MED13L: variants seen among roughly 807,000 people sequenced by gnomAD.
MED13L encodes mediator complex subunit 13L, also known as mediator of RNA polymerase II transcription subunit 13-like.
Under a neutral mutation model 220.9 loss-of-function variants are expected in MED13L, and 7 were observed. The ratio of observed to expected loss-of-function variants is 0.03; its 90% CI spans 0.02 to 0.06. The LOEUF is 0.06. MED13L is among the 10% of genes least tolerant of loss of function. The pLI is 1.00. For synonymous variants in MED13L, 1,011 were observed against 1,015.2 expected (o/e 1.00, Z 0.08); for missense variants, 1,965 against 2,760.5 (o/e 0.71, Z 6.46).
At chr12:116,149,297 C>T (rs1372145009) in intron 2 of MED13L, among the ~76,000 whole-genome samples, 1 of 152,094 alleles carries the variant, frequency 6.6e-6, no homozygotes, top group Non-Finnish European at 1.5e-5. Flanking sequence ...AAGTCTTAGA[C>T]CCCACTAGAT....
chr12:116,176,471 G>A (rs926005943), intron 2 of MED13L, among the ~76,000 whole-genome samples: 2 of 151,980 alleles, frequency 1.3e-5, no homozygotes, highest in Non-Finnish European at 2.9e-5. Context: ...AAGAAAAAGG[G>A]TGAACAACAA....
At chr12:116,059,113 G>A (rs1278950405) in intron 4 of MED13L, among the ~76,000 whole-genome samples, 1 of 152,166 alleles carries the variant, frequency 6.6e-6, no homozygotes, top group African/African-American at 2.4e-5. Flanking sequence ...TGTCACCCAG[G>A]ATGGCGTGCA....
At position 116,121,228 on chromosome 12, in the gene MED13L, A is replaced by G. The variant is rs372294409; in HGVS notation, c.311-9716T>C. On this transcript the variant is annotated intron_variant, in intron 2 of 30. Transcript: ENST00000281928. Reference sequence around the variant, plus strand: ...CAGAAAAGACAGTGTTTATAAAGGAAAAGTTTTAAATAGTAGTAATTACTG... The same window carrying G: ...CAGAAAAGACAGTGTTTATAAAGGAGAAGTTTTAAATAGTAGTAATTACTG... Among the ~76,000 whole-genome samples, 351 of 152,288 alleles carry G rather than the reference A, an allele frequency of 2.3e-3. 8 individuals carry two copies. In the South Asian group the frequency reaches 0.046, roughly 20 times the overall value.
At chr12:116,128,697 T>C (rs1329881287) in intron 2 of MED13L, among the ~76,000 whole-genome samples, 1 of 152,226 alleles carries the variant, frequency 6.6e-6, no homozygotes, top group Non-Finnish European at 1.5e-5. Context: ...TCACTATAAA[T>C]TTACAATGTC....
At chr12:116,160,965 A>G (rs1878812862) in intron 2 of MED13L, among the ~76,000 whole-genome samples, 2 of 152,154 alleles carry the variant, frequency 1.3e-5, no homozygotes, top group East Asian at 3.8e-4. Context: ...AGAATATCTG[A>G]GACTCGGTAA....
At chr12:115,986,117 T>C (rs1048110585) in intron 19 of MED13L, 149 bp downstream of exon 19, 22 of 777,242 alleles carry the variant, frequency 2.8e-5, no homozygotes, top group South Asian at 9.0e-5. Context: ...TCCAGAAAAA[T>C]TGGCCAATTC....
Position 116,009,073 on chromosome 12 carries a change from G to A in MED13L, c.1340C>T (p.Pro447Leu). 6.2e-7 allele frequency: 1 copy of A among 1,614,054 alleles called. No homozygotes were observed. The highest frequency in any genetic ancestry group is 1.1e-5 in the South Asian group (1 of 91,084). Reference sequence around the variant, plus strand: ...TGATGATGGTCCTGCACTGAACCCTGGTTGAGATACTGTGGGAGGTCGATT... The same window carrying A: ...TGATGATGGTCCTGCACTGAACCCTAGTTGAGATACTGTGGGAGGTCGATT... ...GPNRPPTVSQ[P>L]GFSAGPSSSS... The change falls in exon 10 of 31, where the codon CCA becomes CTA. Residue 447 changes from proline (P) to leucine (L), a missense_variant. Physicochemically the swap from Pro to Leu is moderately conservative, Grantham distance 98. Around this residue, in one of 10 missense-constraint regions of MED13L, gnomAD observed 818 missense variants for 1,041.2 expected, o/e 0.79. Coordinates refer to ENST00000281928, the MANE Select transcript of MED13L (RefSeq NM_015335.5).
At chr12:116,133,561 G>A (rs748577314) in intron 2 of MED13L, among the ~76,000 whole-genome samples, 9 of 151,716 alleles carry the variant, frequency 5.9e-5, no homozygotes, top group Admixed American at 4.0e-4. Flanking sequence ...CCCACAGTTC[G>A]CCCCATCTGA....
chr12:116,116,940 G>C (rs992206368), intron 2 of MED13L, among the ~76,000 whole-genome samples: 1 of 149,784 alleles, frequency 6.7e-6, no homozygotes, highest in Non-Finnish European at 1.5e-5. Context: ...GAGGATGTAA[G>C]GTTCTAGGAA....
chr12:116,235,697 C>G (rs969840324), intron 2 of MED13L, among the ~76,000 whole-genome samples: 1 of 152,130 alleles, frequency 6.6e-6, no homozygotes, highest in African/African-American at 2.4e-5. Flanking sequence ...TTTTTGTTAA[C>G]TCAGTAACAA....
chr12:116,266,240 T>C (rs1872822694), intron 1 of MED13L, among the ~76,000 whole-genome samples: 1 of 152,134 alleles, frequency 6.6e-6, no homozygotes, highest in Non-Finnish European at 1.5e-5. Context: ...GCAAACGTAA[T>C]AGCCAGCAGA....
At chr12:116,012,952 TG>T in intron 8 of MED13L, 51 bp from the exon 9 acceptor site, 1 of 1,332,434 alleles carries the variant, frequency 7.5e-7, no homozygotes, top group Non-Finnish European at 1.1e-6. Context: ...CCCATACCCC[TG>T]GGGAGAAAAA....
At chr12:116,069,092 C>A (rs1220944850) in intron 4 of MED13L, among the ~76,000 whole-genome samples, 6 of 152,140 alleles carry the variant, frequency 3.9e-5, no homozygotes, top group African/African-American at 4.8e-5. Flanking sequence ...TCTTCTCCCC[C>A]ACAACAGACC....
At chr12:116,137,331 C>T (rs1876645835) in intron 2 of MED13L, among the ~76,000 whole-genome samples, 1 of 152,162 alleles carries the variant, frequency 6.6e-6, no homozygotes, top group African/African-American at 2.4e-5. Context: ...TAACATAATT[C>T]ACCTCCATAA....
intron 1 of MED13L, 43 bp downstream of exon 1, chr12:116,277,017 C>A (rs757101487): frequency 3.6e-6 from 5 of 1,399,086 alleles, no homozygotes; most frequent in African/African-American, 1.4e-5. Context: ...GGGACCCCCC[C>A]CCTTCCCCGG....
rs1871790152 is a variant in MED13L at position 116,253,765 on chromosome 12, T to TG, written c.73-16061_73-16060insC. ...CACGGTTTTTTTTGTTTTTTTTTTTTTTTTTTTTTTTTTTGAGACAGTCTC... is the reference window on the plus strand; with the variant it reads ...CACGGTTTTTTTTGTTTTTTTTTTTTGTTTTTTTTTTTTTTGAGACAGTCTC... On this transcript the variant is annotated intron_variant, in intron 1 of 30. Transcript: ENST00000281928. 2.2e-5 allele frequency among the ~76,000 whole-genome samples: 3 copies of TG among 139,144 alleles called. No individual in the cohort carries two copies. In the South Asian group the frequency reaches 7.3e-4, roughly 34 times the overall value. 91.3% of individuals were successfully genotyped at this position (139,144 alleles called of 152,430 possible). A position where few individuals can be genotyped will look rare whatever the true frequency, so the allele number is the denominator to read the frequency against.
At chr12:116,038,565 C>T (rs994041337) in intron 4 of MED13L, among the ~76,000 whole-genome samples, 1 of 151,942 alleles carries the variant, frequency 6.6e-6, no homozygotes, top group Non-Finnish European at 1.5e-5. Flanking sequence ...TGGTGGAATT[C>T]TTGCCAGCTT....
At chr12:116,103,470 G>C (rs746565119) in intron 3 of MED13L, among the ~76,000 whole-genome samples, 26 of 152,006 alleles carry the variant, frequency 1.7e-4, no homozygotes, top group Non-Finnish European at 3.5e-4. Flanking sequence ...TTTTTATTTA[G>C]AGATGGGGGT....
At chr12:115,964,180 T>C (rs1325688763) in intron 29 of MED13L, among the ~76,000 whole-genome samples, 1 of 152,192 alleles carries the variant, frequency 6.6e-6, no homozygotes, top group Non-Finnish European at 1.5e-5. Context: ...TCAGTAGATG[T>C]CTCACATAAG....
Sources: gnomAD v4.1 joint callset for allele counts (sites outside exome capture counted in the v4.1 genomes callset) on GRCh38, gnomAD v4.1.1 for gene constraint, gnomAD v4.1.1 regional missense constraint, MANE v1.5 for transcripts, NCBI Gene and HGNC (gene_info 2026-07-23, HGNC 2026-07-21) for gene names.